Variants in FBXO31 observed in about 807,000 individuals in gnomAD.
FBXO31 encodes the protein F-box only protein 31.
In FBXO31, 24 loss-of-function variants were observed where a neutral mutation model predicts 54.4. The observed-to-expected ratio is 0.44, with a 90% CI of 0.32 to 0.62. The LOEUF is 0.62. Ranked by LOEUF, FBXO31 falls within the 20% of genes least tolerant of loss-of-function variation. The pLI, the probability that FBXO31 is intolerant of heterozygous loss-of-function variation, is 0.05. For missense variants in FBXO31, 665 were observed against 787.1 expected (o/e 0.84, Z 1.86); for synonymous variants, 388 against 335.6 (o/e 1.16, Z -1.71).
rs1387547019 is a variant in FBXO31, at chr16:87,327,526, G to A, written c.*3762C>T. On this transcript the variant is annotated 3_prime_UTR_variant, in exon 9 of 9. Coordinates refer to ENST00000311635, the MANE Select transcript of FBXO31 (RefSeq NM_024735.5). ...AAGTTAGCCAAGCATGGTGGTGGTG[G>A]GTGCCTGTGGTCCCAGCTACTTGGG... is the stretch of plus-strand genomic sequence containing the variant. 6.6e-6 allele frequency: 1 copy of A among 152,262 alleles called. No individual in the cohort carries two copies. The allele number at this position is 152,262 out of a possible 1,614,324, so 9.4% of individuals were successfully genotyped here.
intron 1 of FBXO31, among the ~76,000 whole-genome samples, chr16:87,376,813 T>C (rs1906843773): frequency 6.6e-6 from 1 of 152,216 alleles, no homozygotes; most frequent in Non-Finnish European, 1.5e-5. Context: ...CAGCCCTGTT[T>C]CTCACTTGAA....
At chr16:87,390,206 G>A (rs985588440), upstream of FBXO31, among the ~76,000 whole-genome samples, 6 of 152,008 alleles carry the variant, frequency 3.9e-5, no homozygotes, top group East Asian at 1.9e-4. Context: ...ACCTGAACCC[G>A]GGAGGTGGAG....
Position 87,383,477 on chromosome 16 carries a change from A to C in FBXO31, c.268T>G (p.Leu90Val), listed in dbSNP as rs1438367846. The change falls in exon 1 of 9, where the codon TTG becomes GTG. Residue 90 changes from leucine (L) to valine (V), a missense_variant. By Grantham distance (32) the Leu-to-Val change is conservative. Transcript: ENST00000311635. The surrounding 1 kb of genome is among the most constrained non-coding windows in gnomAD (Gnocchi z 4.9). Reference protein sequence around the residue: ...ASLPGTDLPSLAQVCTKFRRI... With the variant: ...ASLPGTDLPSVAQVCTKFRRI... ...CGGAACTTCGTGCAGACCTGGGCCA[A>C]GCTGGGTAGGTCCGTGCCCGGCAGC... The C allele has an allele frequency of 6.3e-7, 1 of 1,592,768 alleles. No individual in the cohort carries two copies. The highest frequency in any genetic ancestry group is 2.3e-5 in the East Asian group (1 of 42,638).
chr16:87,341,580 G>A lies in FBXO31; in HGVS notation c.732+1297C>T, dbSNP rs555846236. ...CTGAGGCAGTAGAACTGCCTGAACCGGGAAGGCGGAAGTTGCAGTGAGCCA... is the reference window on the plus strand; with the variant it reads ...CTGAGGCAGTAGAACTGCCTGAACCAGGAAGGCGGAAGTTGCAGTGAGCCA... On this transcript the variant is annotated intron_variant, in intron 5 of 8. Transcript: ENST00000311635. Among the ~76,000 whole-genome samples, 259 of 149,820 alleles carry A rather than the reference G, an allele frequency of 1.7e-3. 2 individuals carry two copies. The highest frequency in any genetic ancestry group is 6.0e-3 in the African/African-American group (243 of 40,572).
intron 1 of FBXO31, among the ~76,000 whole-genome samples, chr16:87,371,382 C>CG (rs1300346556): frequency 2.6e-5 from 4 of 152,206 alleles, no homozygotes; most frequent in African/African-American, 9.6e-5. Context: ...TGGTCATCCC[C>CG]GATACCACTC....
At chr16:87,340,905 G>A (rs977368830) in intron 5 of FBXO31, among the ~76,000 whole-genome samples, 2 of 152,114 alleles carry the variant, frequency 1.3e-5, no homozygotes, top group African/African-American at 4.8e-5. Context: ...CTATCTGGAA[G>A]GGCTTCGATT....
chr16:87,377,196 G>A (rs1008145314), intron 1 of FBXO31, among the ~76,000 whole-genome samples: 2 of 152,224 alleles, frequency 1.3e-5, no homozygotes, highest in African/African-American at 2.4e-5. Flanking sequence ...AGTAATCCTA[G>A]CACTTTGGGA....
At position 87,379,403 on chromosome 16, in the gene FBXO31, T is replaced by A. The variant is rs563960113; in HGVS notation, c.340+4002A>T. Among the ~76,000 whole-genome samples the A allele has an allele frequency of 8.7e-4, 132 of 152,310 alleles. 2 individuals carry two copies. Among genetic ancestry groups the A allele is most frequent in the Non-Finnish European group, 8.5e-4 (58 of 68,024 alleles). On this transcript the variant is annotated intron_variant, in intron 1 of 8. Transcript: ENST00000311635. ...GGTAGGTACAAGGAGTGTGGAGGAA[T>A]TCATCTTAAACAGGCTTGTTTACTT... is the stretch of plus-strand genomic sequence containing the variant.
At chr16:87,377,532 A>G (rs1233578755) in intron 1 of FBXO31, among the ~76,000 whole-genome samples, 2 of 152,172 alleles carry the variant, frequency 1.3e-5, no homozygotes, top group Non-Finnish European at 2.9e-5. Flanking sequence ...ATGTTTTTCA[A>G]TATATTAAAC....
intron 5 of FBXO31, among the ~76,000 whole-genome samples, chr16:87,339,634 C>T (rs959664766): frequency 7.9e-5 from 12 of 152,200 alleles, no homozygotes; most frequent in African/African-American, 2.2e-4. Flanking sequence ...AGAAGCGGGA[C>T]GAGCCGAGGG....
chr16:87,388,876 G>T (rs914200900), intron 1 of FBXO31: 3 of 152,186 alleles, frequency 2.0e-5, no homozygotes, highest in African/African-American at 7.2e-5. Context: ...TAAAATGAAA[G>T]ATGTGTTCTT....
At chr16:87,334,341 CT>C in intron 7 of FBXO31, 55 bp from the exon 8 acceptor site, 1 of 1,485,052 alleles carries the variant, frequency 6.7e-7, no homozygotes, top group Non-Finnish European at 9.0e-7. Flanking sequence ...AGCAGTACCA[CT>C]GTGTGGGCTC....
chr16:87,364,786 C>T (rs1892064755), intron 1 of FBXO31, among the ~76,000 whole-genome samples: 1 of 151,330 alleles, frequency 6.6e-6, no homozygotes, highest in Non-Finnish European at 1.5e-5. Flanking sequence ...CTTTGGGAGG[C>T]CAGGGCAGGC....
At chr16:87,333,842 C>A in intron 8 of FBXO31, 44 bp downstream of exon 8, 1 of 1,545,898 alleles carries the variant, frequency 6.5e-7, no homozygotes, top group Non-Finnish European at 8.7e-7. Context: ...CGCTGAAGCC[C>A]ATGCTGTCCC....
At position 87,338,466 on chromosome 16, in the gene FBXO31, C is replaced by CA. The variant is rs553991406; in HGVS notation, c.733-2203_733-2202insT. On this transcript the variant is annotated intron_variant, in intron 5 of 8. Coordinates refer to ENST00000311635, the MANE Select transcript of FBXO31 (RefSeq NM_024735.5). This position sits in a 1 kb window ranked among gnomAD's most constrained non-coding sequence, Gnocchi z 4.3. ...ATTTCCAAAAGCCTCAGTCTTGGGG[C>CA]GGGGGAGGCGGGCCTGAAACACACA... Among the ~76,000 whole-genome samples the CA allele has an allele frequency of 1.6e-4, 12 of 73,912 alleles. No individual in the cohort carries two copies. The highest frequency in any genetic ancestry group is 6.0e-5 in the African/African-American group (1 of 16,748). The allele number at this position is 73,912 out of a possible 152,430, so 48.5% of individuals were successfully genotyped here.
At chr16:87,332,744 C>A (rs987075948) in intron 8 of FBXO31, among the ~76,000 whole-genome samples, 2 of 149,652 alleles carry the variant, frequency 1.3e-5, no homozygotes, top group African/African-American at 4.9e-5. Flanking sequence ...CAAACCCCCT[C>A]CAGGAGCTGG....
rs1062746 is a variant in FBXO31, at chr16:87,331,044, T to C, written c.*244A>G. On this transcript the variant is annotated 3_prime_UTR_variant, in exon 9 of 9. Coordinates refer to ENST00000311635, the MANE Select transcript of FBXO31 (RefSeq NM_024735.5). The stretch of plus-strand genomic sequence containing the variant: ...CGGCTGTCCCCTACATCTGCTGTAT[T>C]CAGGCTCGTTCTCTCTGTTTTTGGT... The C allele has an allele frequency of 0.35, 173,308 of 492,278 alleles. 33,863 individuals carry two copies. Among genetic ancestry groups the C allele is most frequent in the Non-Finnish European group, 0.43 (115,863 of 270,722 alleles). 30.5% of individuals were successfully genotyped at this position (492,278 alleles called of 1,614,324 possible). A position where few individuals can be genotyped will look rare whatever the true frequency, so the allele number is the denominator to read the frequency against.
chr16:87,354,829 A>T (rs1905824405), intron 2 of FBXO31, among the ~76,000 whole-genome samples: 1 of 152,070 alleles, frequency 6.6e-6, no homozygotes, highest in Non-Finnish European at 1.5e-5. Context: ...GTAGCTGGGC[A>T]TGGTGGCATA....
rs1175225168 is a variant in FBXO31, at chr16:87,327,131, G to C, written c.*4157C>G. ...TCCTGCTGCAAGGTCACCTTACCAG[G>C]GGGTGCAGAGGTGCTCATGATCAGA... is the stretch of plus-strand genomic sequence containing the variant. On this transcript the variant is annotated 3_prime_UTR_variant, in exon 9 of 9. Transcript: ENST00000311635. 2 of 152,438 alleles carry C rather than the reference G, an allele frequency of 1.3e-5. No homozygotes were observed. Among genetic ancestry groups the C allele is most frequent in the Non-Finnish European group, 2.9e-5 (2 of 68,200 alleles). The allele number at this position is 152,438 out of a possible 1,614,324, so 9.4% of individuals were successfully genotyped here. A position where few individuals can be genotyped will look rare whatever the true frequency, so the allele number is the denominator to read the frequency against.
Sources: allele counts gnomAD v4.1 joint callset (sites outside exome capture counted in the v4.1 genomes callset), GRCh38; gene constraint gnomAD v4.1.1; non-coding constraint Gnocchi (gnomAD v3.1); transcripts MANE v1.5; gene names NCBI Gene and HGNC (gene_info 2026-07-23, HGNC 2026-07-21).